Variants in SLC15A5 observed in about 807,000 individuals in gnomAD.
SLC15A5 encodes solute carrier family 15 member 5.
SLC15A5 carries 58 observed loss-of-function variants against 56.1 expected under a neutral mutation model. The observed-to-expected ratio is 1.03, with a 90% CI of 0.84 to 1.29. The LOEUF (loss-of-function observed/expected upper bound fraction) is 1.29. SLC15A5 is among the 50% of genes most tolerant of loss of function. The probability of loss-of-function intolerance (pLI) is 0.00; values close to 1 mark genes in which losing one functional copy is unlikely to be tolerated. For synonymous variants in SLC15A5, 264 were observed against 250.5 expected, an observed-to-expected ratio of 1.05 and a Z score of -0.51; for missense variants, 681 against 672.1, an observed-to-expected ratio of 1.01 and a Z score of -0.15.
At chr12:16,191,391 A>G (rs1164604384) in intron 8 of SLC15A5, among the ~76,000 whole-genome samples, 1 of 152,028 alleles carries the variant, frequency 6.6e-6, no homozygotes, top group Non-Finnish European at 1.5e-5. Context: ...CATAATTAAT[A>G]CACTGTCCTC....
At chr12:16,241,933 A>G (rs1426479298) in intron 4 of SLC15A5, among the ~76,000 whole-genome samples, 2 of 152,138 alleles carry the variant, frequency 1.3e-5, no homozygotes, top group Non-Finnish European at 2.9e-5. Context: ...GCTTGAAATC[A>G]TTTCTGCCTC....
chr12:16,262,314 T>G (rs998429238), intron 2 of SLC15A5, among the ~76,000 whole-genome samples: 12 of 149,010 alleles, frequency 8.1e-5, no homozygotes, highest in African/African-American at 3.1e-4. Flanking sequence ...TTCATTCCTC[T>G]CATTCCTCTC....
At chr12:16,218,737 G>A (rs561818871) in intron 6 of SLC15A5, among the ~76,000 whole-genome samples, 5 of 152,208 alleles carry the variant, frequency 3.3e-5, no homozygotes, top group South Asian at 2.1e-4. Flanking sequence ...ATGTTGTTAC[G>A]TGTTGCATGA....
At chr12:16,242,839 G>C (rs1363490121) in intron 4 of SLC15A5, among the ~76,000 whole-genome samples, 1 of 152,186 alleles carries the variant, frequency 6.6e-6, no homozygotes, top group Non-Finnish European at 1.5e-5. Context: ...TATGGGCCAT[G>C]TAGTAATTTT....
Position 16,277,377 on chromosome 12 carries a change from G to A in SLC15A5, c.309C>T (p.Val103=). 6.5e-7 allele frequency: 1 copy of A among 1,535,978 alleles called. No homozygotes were observed. Among genetic ancestry groups the A allele is most frequent in the Non-Finnish European group, 8.7e-7 (1 of 1,146,118 alleles). Residue 103 remains valine (V), a synonymous_variant, in exon 1 of 9, where the codon GTC becomes GTT. Transcript: ENST00000344941. ...ACACCAGTTTGTTTCTTCCTAAATA[G>A]ACATCAGTGAGCCATCTGACAAACA... ...TPVFVRWLTD[V]YLGRNKLVYI... is the part of the protein sequence containing the mutation.
intron 8 of SLC15A5, among the ~76,000 whole-genome samples, chr12:16,190,918 A>G (rs1405619512): frequency 2.0e-5 from 3 of 152,160 alleles, no homozygotes; most frequent in Admixed American, 1.3e-4. Flanking sequence ...CACTGGAAGG[A>G]CAGTGGTGTT....
At chr12:16,261,062 T>A (rs1011865671) in intron 2 of SLC15A5, among the ~76,000 whole-genome samples, 2 of 152,106 alleles carry the variant, frequency 1.3e-5, no homozygotes, top group African/African-American at 4.8e-5. Flanking sequence ...GTTTTTTTTT[T>A]AAAGAGCTTT....
chr12:16,254,539 G>A (rs887346268), intron 3 of SLC15A5, among the ~76,000 whole-genome samples: 4 of 151,986 alleles, frequency 2.6e-5, no homozygotes, highest in Admixed American at 2.6e-4. Context: ...TCCTTTTTAT[G>A]GCTGAATAGT....
intron 5 of SLC15A5, among the ~76,000 whole-genome samples, chr12:16,230,592 A>G (rs565264710): frequency 5.9e-5 from 9 of 152,140 alleles, no homozygotes; most frequent in Admixed American, 2.0e-4. Context: ...AGAATAAGGC[A>G]CTTGAGTATT....
At chr12:16,228,314 G>C (rs1437888220) in intron 5 of SLC15A5, among the ~76,000 whole-genome samples, 1 of 152,348 alleles carries the variant, frequency 6.6e-6, no homozygotes, top group East Asian at 1.9e-4. Context: ...GTGCCTTCAA[G>C]CATGTTTGCA....
At chr12:16,246,739 G>A (rs576233040) in intron 3 of SLC15A5, among the ~76,000 whole-genome samples, 19 of 151,926 alleles carry the variant, frequency 1.3e-4, no homozygotes, top group South Asian at 4.2e-4. Flanking sequence ...CTCACTAACC[G>A]TTTTTTTGTA....
intron 3 of SLC15A5, among the ~76,000 whole-genome samples, chr12:16,250,591 G>A (rs910327474): frequency 5.3e-5 from 8 of 152,068 alleles, no homozygotes; most frequent in Admixed American, 3.3e-4. Context: ...AAGTGCAAGC[G>A]AAAGTACGCA....
chr12:16,262,575 A>G (rs180697240), intron 2 of SLC15A5, among the ~76,000 whole-genome samples: 1 of 152,380 alleles, frequency 6.6e-6, no homozygotes, highest in East Asian at 1.9e-4. Context: ...CAATGTCATC[A>G]TCAAATGTTC....
chr12:16,229,456 TCC>T (rs945465820), intron 5 of SLC15A5, among the ~76,000 whole-genome samples: 124 of 152,282 alleles, frequency 8.1e-4, no homozygotes, highest in African/African-American at 2.9e-3. Flanking sequence ...CTAAATTAGA[TCC>T]CATAACATCC....
At chr12:16,226,392 G>A (rs562277324) in intron 5 of SLC15A5, among the ~76,000 whole-genome samples, 4 of 152,116 alleles carry the variant, frequency 2.6e-5, no homozygotes, top group Non-Finnish European at 4.4e-5. Context: ...ATAAAGCAAT[G>A]TTTTAAAACT....
intron 7 of SLC15A5, among the ~76,000 whole-genome samples, chr12:16,207,950 G>T (rs1864037331): frequency 6.6e-6 from 1 of 152,130 alleles, no homozygotes; most frequent in African/African-American, 2.4e-5. Context: ...ACTGTGCCCG[G>T]CCAGAACCAG....
At chr12:16,259,018 TC>T in intron 2 of SLC15A5, among the ~76,000 whole-genome samples, 4 of 112,872 alleles carry the variant, frequency 3.5e-5, no homozygotes, top group East Asian at 2.9e-4. Flanking sequence ...TTCTTTTCTT[TC>T]TTTCCTTTTT....
rs1218408866 is a variant in SLC15A5, at chr12:16,244,653, T to C, written c.902A>G (p.Glu301Gly). The change falls in exon 4 of 9, where the codon GAA (glutamate) becomes GGA (glycine). Residue 301 changes from glutamate (E) to glycine (G), a missense_variant. By Grantham distance (98) the Glu-to-Gly change is moderately conservative. Transcript: ENST00000344941. ...NGGCYSELHV[E>G]DTTFFLTLLP... ...AAGGGTGAGGAAAAATGTTGTGTCT[T>C]CTACATGGAGCTCACTGTAGCAGCC... 1.3e-5 allele frequency: 20 copies of C among 1,537,520 alleles called. 1 individual carries two copies. Among genetic ancestry groups the C allele is most frequent in the East Asian group, 7.3e-5 (3 of 40,924 alleles).
At chr12:16,226,773 T>C (rs1022915892) in intron 5 of SLC15A5, among the ~76,000 whole-genome samples, 1 of 152,150 alleles carries the variant, frequency 6.6e-6, no homozygotes, top group Non-Finnish European at 1.5e-5. Context: ...TTGAGTAGGA[T>C]TTTGTTACCG....
Sources: gnomAD v4.1 joint callset for allele counts (sites outside exome capture counted in the v4.1 genomes callset) on GRCh38, gnomAD v4.1.1 for gene constraint, MANE v1.5 for transcripts, NCBI Gene and HGNC (gene_info 2026-07-23, HGNC 2026-07-21) for gene names.